The following COL12A1 variants were observed in gnomAD, a reference collection of about 807,000 sequenced individuals.
The protein encoded by COL12A1 is collagen alpha-1(XII) chain.
A neutral mutation model predicts 349.7 loss-of-function variants in COL12A1; 114 were observed. The observed-to-expected ratio is 0.33, with a 90% CI of 0.28 to 0.38. The LOEUF is 0.38. COL12A1 is among the 10% of genes least tolerant of loss of function. COL12A1 has a pLI of 1.00. For synonymous variants in COL12A1, 1,369 were observed against 1,329.0 expected (o/e 1.03, Z -0.66); for missense variants, 3,284 against 3,756.9 (o/e 0.87, Z 3.29).
At chr6:75,164,988 T>G (rs1010929517) in intron 14 of COL12A1, among the ~76,000 whole-genome samples, 1 of 152,116 alleles carries the variant, frequency 6.6e-6, no homozygotes, top group African/African-American at 2.4e-5. Flanking sequence ...CTTGGTTGTA[T>G]GATAATCATA....
In COL12A1 at chr6:75,125,233, T is replaced by A; in HGVS notation, c.6501A>T (p.Thr2167=). 6.2e-7 allele frequency: 1 copy of A among 1,610,402 alleles called. No homozygotes were observed. Among genetic ancestry groups the A allele is most frequent in the Non-Finnish European group, 8.5e-7 (1 of 1,178,050 alleles). The change falls in exon 40 of 66, where the codon ACA becomes ACT. Residue 2167 remains threonine (T), a synonymous_variant. Transcript: ENST00000322507. ...EPMEAFVGEM[T]SYTLHNLNPS... Reference sequence around the variant, plus strand: ...GATTGAGATTGTGTAAGGTATATGATGTCATTTCTCCAACAAAGGCTTCCA... The same window carrying A: ...GATTGAGATTGTGTAAGGTATATGAAGTCATTTCTCCAACAAAGGCTTCCA...
At chr6:75,114,984 G>C (rs1008129091) in intron 49 of COL12A1, among the ~76,000 whole-genome samples, 2 of 152,052 alleles carry the variant, frequency 1.3e-5, no homozygotes, top group Non-Finnish European at 2.9e-5. Flanking sequence ...CTAGAACTCC[G>C]AGCCAACATG....
chr6:75,089,227 T>G, intron 63 of COL12A1, 53 bp from the exon 64 acceptor site: 1 of 1,316,908 alleles, frequency 7.6e-7, no homozygotes. Context: ...TGGAAGCATG[T>G]AATTTTCATC....
chr6:75,132,107 A>AT (rs1465959764), intron 34 of COL12A1, 25 bp from the exon 35 acceptor site: 5 of 1,612,176 alleles, frequency 3.1e-6, no homozygotes, highest in Non-Finnish European at 4.2e-6. Flanking sequence ...GCCAACATCT[A>AT]TTTTTTAAGT....
chr6:75,149,975 G>C (rs1336451591), intron 21 of COL12A1, among the ~76,000 whole-genome samples: 1 of 151,996 alleles, frequency 6.6e-6, no homozygotes, highest in African/African-American at 2.4e-5. Flanking sequence ...ATTTCTCCAG[G>C]GAAAAGGTCA....
In COL12A1 at chr6:75,183,538, T is replaced by C. The variant is rs2149466373; in HGVS notation, c.1403A>G (p.Lys468Arg). ...CCTATTTGGTGAAATTTCAAAACTT[T>C]TTACAAGAACTTCCAAAAAGGCTCT... ...KVRAFLEVLV[K>R]SFEISPNRVQ... The change falls in exon 10 of 66, where the codon AAA (lysine) becomes AGA (arginine). Residue 468 changes from lysine to arginine, a missense_variant. This residue lies in a region of COL12A1 where 2,601 missense variants were observed against 2,824.8 expected (regional missense o/e 0.92). Transcript: ENST00000322507. 1.9e-6 allele frequency: 3 copies of C among 1,614,148 alleles called. No individual in the cohort carries two copies. The highest frequency in any genetic ancestry group is 2.5e-6 in the Non-Finnish European group (3 of 1,180,032).
rs1440887134 is a variant in COL12A1 at position 75,152,442 on chromosome 6, C to A, written c.3606G>T (p.Leu1202Phe). 1 of 1,613,624 alleles carries A rather than the reference C, an allele frequency of 6.2e-7. No homozygotes were observed. Residue 1202 changes from leucine to phenylalanine, a missense_variant, in exon 18 of 66, where the codon TTG becomes TTT. This residue lies in a region of COL12A1 where 2,601 missense variants were observed against 2,824.8 expected (regional missense o/e 0.92). Transcript: ENST00000322507. ...CGATGCTCCATGATCCATCCACCAG[C>A]AACACAATGTCTGCCTCAGCTCTGG... Reference protein sequence around the residue: ...CLTRAEADIVLLVDGSWSIGR... With the variant: ...CLTRAEADIVFLVDGSWSIGR...
intron 36 of COL12A1, among the ~76,000 whole-genome samples, chr6:75,130,435 C>T (rs960560520): frequency 6.6e-5 from 10 of 152,106 alleles, no homozygotes; most frequent in African/African-American, 2.4e-4. Flanking sequence ...CTTTCAGTGA[C>T]CTAGAGCTAG....
In COL12A1 at chr6:75,117,449, G is replaced by A. The variant is rs778626937; in HGVS notation, c.7452C>T (p.Asp2484=). ...KPSERHVFIV[D]DFESFEKIED... is the part of the protein sequence containing the mutation. The stretch of plus-strand genomic sequence containing the variant: ...CGATCTTCTCAAAAGATTCAAAGTC[G>A]TCCACAATGAACACGTGCCGTTCAC... Residue 2484 remains aspartate (D), a synonymous_variant, in exon 47 of 66, where the codon GAC becomes GAT. Coordinates refer to ENST00000322507, the MANE Select transcript of COL12A1 (RefSeq NM_004370.6). 23 of 1,613,588 alleles carry A rather than the reference G, an allele frequency of 1.4e-5. No individual in the cohort carries two copies. The highest frequency in any genetic ancestry group is 1.6e-4 in the Middle Eastern group (1 of 6,076).
At chr6:75,116,279 A>G (rs1394543619) in intron 47 of COL12A1, among the ~76,000 whole-genome samples, 2 of 152,098 alleles carry the variant, frequency 1.3e-5, no homozygotes, top group African/African-American at 4.8e-5. Context: ...ACATTCTCTA[A>G]TCCAATTGGA....
chr6:75,106,576 C>A, intron 52 of COL12A1, 80 bp from the exon 53 acceptor site: 1 of 1,160,186 alleles, frequency 8.6e-7, no homozygotes, highest in South Asian at 1.3e-5. Flanking sequence ...TTAACATTGC[C>A]AACTTCTCAC....
rs115534721 is a variant in COL12A1, at chr6:75,159,032, C to T, written c.2984-2509G>A. Among the ~76,000 whole-genome samples the T allele has an allele frequency of 9.7e-3, 1,466 of 151,840 alleles. 26 individuals are homozygous for T. The highest frequency in any genetic ancestry group is 0.034 in the Middle Eastern group (10 of 294). On this transcript the variant is annotated intron_variant, in intron 14 of 65. Coordinates refer to ENST00000322507, the MANE Select transcript of COL12A1 (RefSeq NM_004370.6). The stretch of plus-strand genomic sequence containing the variant: ...CAGATCCTAGAAGTGTAGTGAACCC[C>T]AAACACAAGAAACATAAAGAAACTA...
At chr6:75,165,836 A>T in intron 13 of COL12A1, 57 bp from the exon 14 acceptor site, 1 of 1,492,000 alleles carries the variant, frequency 6.7e-7, no homozygotes, top group Non-Finnish European at 9.2e-7. Context: ...GTATTTAAGT[A>T]TTATATTCAT....
intron 22 of COL12A1, 118 bp from the exon 23 acceptor site, chr6:75,147,922 T>TA: frequency 3.7e-6 from 4 of 1,095,002 alleles, no homozygotes; most frequent in Non-Finnish European, 5.1e-6. Context: ...ATTAGGCCAT[T>TA]GTCTTTTGTA....
chr6:75,180,885 T>C, intron 11 of COL12A1, 54 bp downstream of exon 11: 3 of 1,566,696 alleles, frequency 1.9e-6, no homozygotes, highest in Non-Finnish European at 2.6e-6. Context: ...TGTAACTTTG[T>C]AGTGCAATAA....
chr6:75,095,318 T>C, intron 59 of COL12A1, 139 bp from the exon 60 acceptor site: 1 of 660,586 alleles, frequency 1.5e-6, no homozygotes, highest in Non-Finnish European at 2.5e-6. Context: ...AACCAAATTT[T>C]AAGATAACAT....
intron 13 of COL12A1, among the ~76,000 whole-genome samples, chr6:75,170,112 C>G (rs1343329318): frequency 6.6e-6 from 1 of 152,116 alleles, no homozygotes; most frequent in Non-Finnish European, 1.5e-5. Flanking sequence ...GTTTCCTTAC[C>G]CCTTTTCCAT....
chr6:75,197,062 G>A (rs926274344), intron 2 of COL12A1, among the ~76,000 whole-genome samples: 4 of 152,092 alleles, frequency 2.6e-5, no homozygotes, highest in East Asian at 1.9e-4. Flanking sequence ...TCTTCTGGCC[G>A]ATTTTATTGC....
chr6:75,161,580 C>G (rs1466292430), intron 14 of COL12A1, among the ~76,000 whole-genome samples: 2 of 152,114 alleles, frequency 1.3e-5, no homozygotes, highest in African/African-American at 4.8e-5. Context: ...GAAGCATTCC[C>G]TTTGAAAACT....
Sources: allele counts gnomAD v4.1 joint callset (sites outside exome capture counted in the v4.1 genomes callset), GRCh38; gene constraint gnomAD v4.1.1; regional missense constraint gnomAD v4.1.1; transcripts MANE v1.5; gene names NCBI Gene and HGNC (gene_info 2026-07-23, HGNC 2026-07-21).